Variants in SORCS2 observed in about 807,000 individuals in gnomAD.
SORCS2 encodes the protein VPS10 domain-containing receptor SorCS2.
In SORCS2, 100 loss-of-function variants were observed where a neutral mutation model predicts 141.6. That is an observed-to-expected ratio of 0.71 (90% confidence interval 0.60 to 0.83). The LOEUF is 0.83. Among genes scored for constraint, SORCS2 ranks in the 40% least tolerant of loss-of-function variants. The pLI is 0.00. For synonymous variants in SORCS2, 789 were observed against 676.9 expected (o/e 1.17, Z -2.57); for missense variants, 1,646 against 1,560.2 (o/e 1.05, Z -0.93).
At chr4:7,292,484 C>T (rs1716680767) in intron 1 of SORCS2, among the ~76,000 whole-genome samples, 1 of 152,142 alleles carries the variant, frequency 6.6e-6, no homozygotes, top group Non-Finnish European at 1.5e-5. Flanking sequence ...AGTTAGTGTG[C>T]TCTGGGGACC....
intron 3 of SORCS2, among the ~76,000 whole-genome samples, chr4:7,581,641 C>G (rs903272543): frequency 1.3e-5 from 2 of 152,160 alleles, no homozygotes; most frequent in African/African-American, 4.8e-5. Context: ...GGAGCCCTCA[C>G]GCAGATTGGG....
chr4:7,398,954 C>G (rs12512986), intron 2 of SORCS2, among the ~76,000 whole-genome samples: 1 of 152,192 alleles, frequency 6.6e-6, no homozygotes, highest in African/African-American at 2.4e-5. Context: ...ATGTGCATTC[C>G]CACCTGGGCA....
At chr4:7,244,568 C>T (rs1388765741) in intron 1 of SORCS2, among the ~76,000 whole-genome samples, 3 of 152,240 alleles carry the variant, frequency 2.0e-5, no homozygotes, top group Non-Finnish European at 4.4e-5. Context: ...AAGCGTGAAG[C>T]AGGCGTGGTG....
intron 4 of SORCS2, among the ~76,000 whole-genome samples, chr4:7,647,943 G>A (rs1465741533): frequency 6.6e-6 from 1 of 152,262 alleles, no homozygotes; most frequent in East Asian, 1.9e-4. Flanking sequence ...GGCAGCTTGA[G>A]CATCTGAGCT....
chr4:7,609,616 C>T (rs1052926860), intron 3 of SORCS2, among the ~76,000 whole-genome samples: 1 of 152,278 alleles, frequency 6.6e-6, no homozygotes, highest in Admixed American at 6.5e-5. Flanking sequence ...GCTCTGTGTC[C>T]TTGGCCTAGG....
chr4:7,194,561 C>T (rs573899255), intron 1 of SORCS2, among the ~76,000 whole-genome samples: 1 of 152,304 alleles, frequency 6.6e-6, no homozygotes, highest in South Asian at 2.1e-4. Flanking sequence ...GCCTGACTAG[C>T]AGCCCTTGGA....
intron 1 of SORCS2, among the ~76,000 whole-genome samples, chr4:7,351,296 G>C (rs950479548): frequency 2.0e-5 from 3 of 152,148 alleles, no homozygotes; most frequent in Non-Finnish European, 4.4e-5. Context: ...TTGTCACAGC[G>C]GGTGTTATAG....
chr4:7,428,778 C>T (rs1726629630), intron 2 of SORCS2, among the ~76,000 whole-genome samples: 1 of 152,152 alleles, frequency 6.6e-6, no homozygotes, highest in Admixed American at 6.5e-5. Flanking sequence ...TGGTAAGGGC[C>T]TCAGCTTTTA....
chr4:7,650,747 C>CCAGCA, intron 4 of SORCS2, among the ~76,000 whole-genome samples: 2 of 141,434 alleles, frequency 1.4e-5, no homozygotes. Flanking sequence ...CCAGCCCAGC[C>CCAGCA]CAGCCCAGCC....
intron 11 of SORCS2, among the ~76,000 whole-genome samples, chr4:7,691,467 G>C (rs1219248400): frequency 1.3e-5 from 2 of 152,166 alleles, no homozygotes; most frequent in Admixed American, 1.3e-4. Flanking sequence ...CAGAGACCTG[G>C]CCTGTCTGGG....
chr4:7,608,616 G>A (rs1262275981), intron 3 of SORCS2, among the ~76,000 whole-genome samples: 1 of 152,322 alleles, frequency 6.6e-6, no homozygotes, highest in South Asian at 2.1e-4. Flanking sequence ...CAGGGACAGG[G>A]CACTCAGTGA....
At chr4:7,242,074 C>T (rs1056184873) in intron 1 of SORCS2, among the ~76,000 whole-genome samples, 4 of 152,154 alleles carry the variant, frequency 2.6e-5, no homozygotes, top group African/African-American at 9.7e-5. Flanking sequence ...AGCTTCAGGA[C>T]CCTCAGACCC....
chr4:7,733,863 T>C (rs1224106408), intron 24 of SORCS2, among the ~76,000 whole-genome samples: 1 of 152,066 alleles, frequency 6.6e-6, no homozygotes, highest in African/African-American at 2.4e-5. Context: ...GGGAGCCAGG[T>C]CAAGGGGCGG....
chr4:7,367,618 A>C (rs951345600), intron 1 of SORCS2, among the ~76,000 whole-genome samples: 3 of 152,156 alleles, frequency 2.0e-5, no homozygotes, highest in African/African-American at 7.2e-5. Context: ...TGAGCTCTGC[A>C]TCAGTAGGAT....
chr4:7,435,799 G>C (rs751609125), intron 2 of SORCS2, among the ~76,000 whole-genome samples: 2 of 152,386 alleles, frequency 1.3e-5, no homozygotes, highest in Non-Finnish European at 2.9e-5. Context: ...GTCGGGTCCT[G>C]TTCATTAAAT....
intron 3 of SORCS2, among the ~76,000 whole-genome samples, chr4:7,543,472 C>G (rs1460125128): frequency 2.2e-5 from 3 of 136,822 alleles, no homozygotes; most frequent in African/African-American, 7.8e-5. Context: ...TCCACCCACC[C>G]ATCCATTCAC....
In SORCS2 at chr4:7,704,187, G is replaced by A; in HGVS notation, c.1771G>A (p.Asp591Asn). Residue 591 changes from aspartate (D) to asparagine (N), a missense_variant, in exon 14 of 27, where the codon GAC (aspartate) becomes AAC (asparagine). By Grantham distance (23) the Asp-to-Asn change is conservative. Transcript: ENST00000507866. ...IPLKILKFSV[D>N]EGLTWSTHNF... ...ATCTTCTCCTGGCAGGTTCAGTGTGGACGAGGGCCTCACCTGGAGCACGCA... is the reference window on the plus strand; with the variant it reads ...ATCTTCTCCTGGCAGGTTCAGTGTGAACGAGGGCCTCACCTGGAGCACGCA... The A allele has an allele frequency of 6.2e-7, 1 of 1,612,080 alleles. No individual in the cohort carries two copies. Among genetic ancestry groups the A allele is most frequent in the Non-Finnish European group, 8.5e-7 (1 of 1,179,294 alleles).
At chr4:7,392,466 T>C (rs1723927222) in intron 1 of SORCS2, among the ~76,000 whole-genome samples, 1 of 152,166 alleles carries the variant, frequency 6.6e-6, no homozygotes, top group Non-Finnish European at 1.5e-5. Flanking sequence ...CACCCACTCA[T>C]TGATTTACTC....
At chr4:7,630,547 C>A (rs576372662) in intron 3 of SORCS2, among the ~76,000 whole-genome samples, 3 of 152,332 alleles carry the variant, frequency 2.0e-5, no homozygotes, top group Admixed American at 2.0e-4. Context: ...CCCTCAGGGT[C>A]ACCCAGACAT....
Sources: allele counts gnomAD v4.1 joint callset (sites outside exome capture counted in the v4.1 genomes callset), GRCh38; gene constraint gnomAD v4.1.1; transcripts MANE v1.5; gene names NCBI Gene and HGNC (gene_info 2026-07-23, HGNC 2026-07-21).